STXBP5L: variants seen among roughly 807,000 people sequenced by gnomAD.
The protein encoded by STXBP5L is syntaxin binding protein 5L, also known as syntaxin-binding protein 5-like.
A neutral mutation model predicts 144.5 loss-of-function variants in STXBP5L; 65 were observed. The observed-to-expected ratio is 0.45, with a 90% CI of 0.37 to 0.55. The LOEUF is 0.55. STXBP5L is among the 20% of genes least tolerant of loss of function. STXBP5L has a pLI of 0.00. For synonymous variants in STXBP5L, 505 were observed against 469.6 expected (o/e 1.08, Z -0.97); for missense variants, 1,298 against 1,405.5 (o/e 0.92, Z 1.22).
chr3:121,325,373 G>A (rs1011383464), intron 20 of STXBP5L, among the ~76,000 whole-genome samples: 1 of 151,980 alleles, frequency 6.6e-6, no homozygotes, highest in Non-Finnish European at 1.5e-5. Context: ...TTTCTGGTGA[G>A]AAAACTAAAG....
intron 5 of STXBP5L, among the ~76,000 whole-genome samples, chr3:121,085,894 G>A (rs2042467042): frequency 6.6e-6 from 1 of 152,120 alleles, no homozygotes; most frequent in South Asian, 2.1e-4. Context: ...GAACAAAGCT[G>A]GAGGCACCAC....
intron 11 of STXBP5L, among the ~76,000 whole-genome samples, chr3:121,226,375 A>G (rs932176465): frequency 1.3e-5 from 2 of 152,140 alleles, no homozygotes; most frequent in African/African-American, 4.8e-5. Context: ...TTGTGATGTG[A>G]ATTGAGGAGA....
chr3:121,333,064 T>TA (rs918621434), intron 20 of STXBP5L, among the ~76,000 whole-genome samples: 16 of 151,744 alleles, frequency 1.1e-4, no homozygotes, highest in African/African-American at 3.4e-4. Context: ...ACCAGCCCTA[T>TA]AAAAAAAATG....
Position 121,381,371 on chromosome 3 carries a change from C to T in STXBP5L, c.2426C>T (p.Thr809Ile). Residue 809 changes from threonine (T) to isoleucine (I), a missense_variant, in exon 22 of 27, where the codon ACA (threonine) becomes ATA (isoleucine). Thr to Ile is a moderately conservative substitution (Grantham distance 89, BLOSUM62 -1). Coordinates refer to ENST00000471454, the MANE Select transcript of STXBP5L (RefSeq NM_001308330.2). Reference protein sequence around the residue: ...SIDKDSKEAITALYFMDSFAR... With the variant: ...SIDKDSKEAIIALYFMDSFAR... ...GACAAAGATTCTAAAGAAGCAATTA[C>T]AGCACTATACTTCATGGACTCCTTT... 6.2e-7 allele frequency: 1 copy of T among 1,609,906 alleles called. No individual in the cohort carries two copies. The highest frequency in any genetic ancestry group is 8.5e-7 in the Non-Finnish European group (1 of 1,178,602).
At chr3:121,325,313 A>G (rs931913846) in intron 20 of STXBP5L, among the ~76,000 whole-genome samples, 7 of 152,054 alleles carry the variant, frequency 4.6e-5, no homozygotes, top group Admixed American at 3.3e-4. Context: ...AGTTTTTCAA[A>G]CAGTATTTTA....
intron 7 of STXBP5L, among the ~76,000 whole-genome samples, chr3:121,150,794 G>T (rs748664206): frequency 6.6e-6 from 1 of 151,944 alleles, no homozygotes; most frequent in Non-Finnish European, 1.5e-5. Context: ...ACTCAATAAA[G>T]TTGGTTTTAT....
chr3:121,328,816 G>A (rs1190553565), intron 20 of STXBP5L, among the ~76,000 whole-genome samples: 1 of 152,016 alleles, frequency 6.6e-6, no homozygotes, highest in Non-Finnish European at 1.5e-5. Context: ...ATGGAGAAAA[G>A]CAAGAGTGTC....
chr3:120,996,169 A>C (rs1576608108), intron 3 of STXBP5L, among the ~76,000 whole-genome samples: 1 of 151,624 alleles, frequency 6.6e-6, no homozygotes, highest in Non-Finnish European at 1.5e-5. Context: ...GCTGCTTTCC[A>C]TATTTTTGTT....
intron 19 of STXBP5L, 118 bp downstream of exon 19, chr3:121,280,074 TA>T: frequency 8.2e-7 from 1 of 1,224,248 alleles, no homozygotes; most frequent in Non-Finnish European, 1.1e-6. Flanking sequence ...AAAATCAACA[TA>T]ATTTACAAAA....
Position 121,121,767 on chromosome 3 carries a change from T to C in STXBP5L, c.669+63T>C, listed in dbSNP as rs2044477625. On this transcript the variant is annotated intron_variant, in intron 7 of 26. Coordinates refer to ENST00000471454, the MANE Select transcript of STXBP5L (RefSeq NM_001308330.2). ...CCTCATTCTTGAAAAAAGGTGTTTC[T>C]TACTATTATTTTATATCTAGTATCT... The C allele has an allele frequency of 4.0e-6, 5 of 1,254,716 alleles. No individual in the cohort carries two copies. In the Admixed American group the frequency reaches 8.9e-5, roughly 22 times the overall value. The allele number at this position is 1,254,716 out of a possible 1,614,324, so 77.7% of individuals were successfully genotyped here. A position where few individuals can be genotyped will look rare whatever the true frequency, so the allele number is the denominator to read the frequency against.
At chr3:121,283,400 C>T (rs1047435611) in intron 19 of STXBP5L, among the ~76,000 whole-genome samples, 2 of 152,004 alleles carry the variant, frequency 1.3e-5, no homozygotes, top group African/African-American at 2.4e-5. Flanking sequence ...TCTACTCTAG[C>T]AGAGCACCCC....
chr3:121,192,801 C>T (rs2047752306), intron 9 of STXBP5L, among the ~76,000 whole-genome samples: 2 of 152,200 alleles, frequency 1.3e-5, no homozygotes, highest in Non-Finnish European at 2.9e-5. Context: ...CCCTTCCTTA[C>T]ACTTTATACA....
At chr3:120,981,735 T>C (rs764498429) in intron 3 of STXBP5L, among the ~76,000 whole-genome samples, 22 of 152,228 alleles carry the variant, frequency 1.4e-4, no homozygotes, top group Admixed American at 1.0e-3. Flanking sequence ...TTGCAGGTGG[T>C]ACAACACTTT....
chr3:121,008,580 G>A (rs983302497), intron 3 of STXBP5L, among the ~76,000 whole-genome samples: 1 of 151,920 alleles, frequency 6.6e-6, no homozygotes, highest in African/African-American at 2.4e-5. Flanking sequence ...TCCTCATCTT[G>A]AATAATAACA....
chr3:121,299,609 A>G (rs1018371600), intron 19 of STXBP5L, among the ~76,000 whole-genome samples: 2 of 152,134 alleles, frequency 1.3e-5, no homozygotes, highest in African/African-American at 4.8e-5. Flanking sequence ...AATGAACATC[A>G]GTGACTTTGG....
intron 16 of STXBP5L, among the ~76,000 whole-genome samples, chr3:121,256,383 C>T (rs1341773525): frequency 6.6e-6 from 1 of 151,866 alleles, no homozygotes; most frequent in Non-Finnish European, 1.5e-5. Flanking sequence ...CATTATAAGG[C>T]AAATATGTGT....
chr3:121,365,525 A>AT (rs1198204784), intron 20 of STXBP5L, among the ~76,000 whole-genome samples: 2 of 151,364 alleles, frequency 1.3e-5, no homozygotes, highest in East Asian at 3.9e-4. Flanking sequence ...TTCAGGAATT[A>AT]TTTTTTCATC....
chr3:121,360,334 C>A (rs2045673506), intron 20 of STXBP5L, among the ~76,000 whole-genome samples: 2 of 151,590 alleles, frequency 1.3e-5, no homozygotes, highest in African/African-American at 4.8e-5. Flanking sequence ...ATCAATGGAT[C>A]TTTTTTTAAT....
chr3:121,330,712 C>T (rs1373876528), intron 20 of STXBP5L, among the ~76,000 whole-genome samples: 4 of 152,150 alleles, frequency 2.6e-5, no homozygotes, highest in Non-Finnish European at 5.9e-5. Flanking sequence ...ACAGCATCTG[C>T]AGGCAGAATA....
Sources: allele counts gnomAD v4.1 joint callset (sites outside exome capture counted in the v4.1 genomes callset), GRCh38; gene constraint gnomAD v4.1.1; transcripts MANE v1.5; gene names NCBI Gene and HGNC (gene_info 2026-07-23, HGNC 2026-07-21).